Variants in CIDEA observed in about 807,000 individuals in gnomAD.
CIDEA encodes the protein lipid transferase CIDEA.
A neutral mutation model predicts 18.2 loss-of-function variants in CIDEA; 10 were observed. The observed-to-expected ratio is 0.55, with a 90% CI of 0.34 to 0.93. The LOEUF (loss-of-function observed/expected upper bound fraction) is 0.93, where lower values mean the gene tolerates loss of function less well. CIDEA is among the 40% of genes least tolerant of loss of function. The pLI is 0.02. For synonymous variants in CIDEA, 128 were observed against 124.8 expected (o/e 1.03, Z -0.17); for missense variants, 309 against 293.1 (o/e 1.05, Z -0.40).
intron 3 of CIDEA, among the ~76,000 whole-genome samples, chr18:12,268,781 G>A (rs1217224022): frequency 1.3e-5 from 2 of 151,674 alleles, no homozygotes; most frequent in Non-Finnish European, 2.9e-5. Flanking sequence ...TTTAAAAATA[G>A]GTATTAATTC....
chr18:12,262,856 C>T lies in CIDEA; in HGVS notation c.70C>T (p.Arg24Ter), dbSNP rs745735627. 5 of 1,614,022 alleles carry T rather than the reference C, an allele frequency of 3.1e-6. No individual in the cohort carries two copies. The highest frequency in any genetic ancestry group is 1.7e-5 in the Admixed American group (1 of 60,004). The stretch of plus-strand genomic sequence containing the variant: ...GACATTTATGGGATCACAGACTAAG[C>T]GAGTCCTGTTCACCCCGCTCATGCA... ...PLTFMGSQTK[R>*]VLFTPLMHPA... The change falls in exon 2 of 5, where the codon CGA (arginine) becomes TGA (stop). Residue 24 changes from arginine to a stop codon, truncating the protein, a stop_gained. Coordinates refer to ENST00000320477, the MANE Select transcript of CIDEA (RefSeq NM_001279.4). LOFTEE classifies it high-confidence loss of function.
At chr18:12,268,864 C>T (rs1231089183) in intron 3 of CIDEA, among the ~76,000 whole-genome samples, 6 of 150,740 alleles carry the variant, frequency 4.0e-5, no homozygotes, top group South Asian at 2.1e-4. Context: ...CTCGCTCTGT[C>T]GCCCAGGCTG....
At position 12,262,837 on chromosome 18, in the gene CIDEA, T is replaced by C. The variant is rs1297447313; in HGVS notation, c.51T>C (p.Phe17=). The part of the protein sequence containing the change: ...YAGALIRPLT[F]MGSQTKRVLF... ...CCTCCATTTTCAGGCCCCTGACATT[T>C]ATGGGATCACAGACTAAGCGAGTCC... The change falls in exon 2 of 5, where the codon TTT becomes TTC. Residue 17 remains phenylalanine (F), a synonymous_variant. Coordinates refer to ENST00000320477, the MANE Select transcript of CIDEA (RefSeq NM_001279.4). 1.9e-6 allele frequency: 3 copies of C among 1,613,306 alleles called. No individual in the cohort carries two copies. The highest frequency in any genetic ancestry group is 2.7e-5 in the African/African-American group (2 of 74,934).
In CIDEA at chr18:12,273,967, G is replaced by A. The variant is rs73947530; in HGVS notation, c.331-126G>A. On this transcript the variant is annotated intron_variant, in intron 3 of 4. Coordinates refer to ENST00000320477, the MANE Select transcript of CIDEA (RefSeq NM_001279.4). ...GCTGAAAGCATCTCTCTATCGATTA[G>A]CCACGGAGCCGCTCACAGACCTTAA... The A allele has an allele frequency of 1.2e-3, 1,200 of 970,710 alleles. 9 individuals carry two copies. The African/African-American group carries it at 0.018, about 14-fold the overall frequency. 60.1% of individuals were successfully genotyped at this position (970,710 alleles called of 1,614,324 possible).
chr18:12,269,515 C>T (rs1912453039), intron 3 of CIDEA, among the ~76,000 whole-genome samples: 1 of 152,200 alleles, frequency 6.6e-6, no homozygotes, highest in African/African-American at 2.4e-5. Context: ...GTGAATCCAT[C>T]AGTCCGTCTT....
intron 1 of CIDEA, among the ~76,000 whole-genome samples, chr18:12,257,576 T>C (rs975052324): frequency 6.6e-6 from 1 of 152,212 alleles, no homozygotes; most frequent in South Asian, 2.1e-4. Flanking sequence ...CGGGGCAGAA[T>C]ACAAAACCTT....
At chr18:12,269,391 T>A (rs930597857) in intron 3 of CIDEA, among the ~76,000 whole-genome samples, 2 of 152,216 alleles carry the variant, frequency 1.3e-5, no homozygotes, top group African/African-American at 4.8e-5. Flanking sequence ...TTTTATATTA[T>A]GCCAGAACTC....
intron 3 of CIDEA, among the ~76,000 whole-genome samples, chr18:12,269,775 G>A (rs1385178699): frequency 1.3e-5 from 2 of 152,042 alleles, no homozygotes; most frequent in African/African-American, 2.4e-5. Flanking sequence ...TTGGTTCACT[G>A]CAGCCTTCAC....
chr18:12,262,655 T>C (rs1341516023), intron 1 of CIDEA, among the ~76,000 whole-genome samples, 170 bp from the exon 2 acceptor site: 2 of 152,248 alleles, frequency 1.3e-5, no homozygotes, highest in African/African-American at 4.8e-5. Flanking sequence ...GTGTTACTTG[T>C]TTCTTCTTTG....
Position 12,264,349 on chromosome 18 carries a change from G to T in CIDEA, c.226G>T (p.Val76Leu). 1 of 1,614,098 alleles carries T rather than the reference G, an allele frequency of 6.2e-7. No individual in the cohort carries two copies. The highest frequency in any genetic ancestry group is 1.1e-5 in the South Asian group (1 of 91,066). ...CATCGCTACCGGACTGGTCACTCTGGTGCTGGAGGAAGATGGCACCGTGGT... is the reference window on the plus strand; with the variant it reads ...CATCGCTACCGGACTGGTCACTCTGTTGCTGGAGGAAGATGGCACCGTGGT... ...LVIATGLVTL[V>L]LEEDGTVVDT... Residue 76 changes from valine to leucine, a missense_variant, in exon 3 of 5, where the codon GTG (valine) becomes TTG (leucine). By Grantham distance (32) the Val-to-Leu change is conservative. Transcript: ENST00000320477.
At chr18:12,254,699 G>A (rs926064644) in intron 1 of CIDEA, 2 of 1,499,336 alleles carry the variant, frequency 1.3e-6, no homozygotes, top group Non-Finnish European at 1.8e-6. Context: ...TGCGAGGTGC[G>A]CGGGCGTCTG....
Position 12,261,061 on chromosome 18 carries a change from A to G in CIDEA, c.39-1764A>G, listed in dbSNP as rs8098393. Among the ~76,000 whole-genome samples the G allele has an allele frequency of 4.7e-3, 715 of 152,226 alleles. 7 individuals are homozygous for G. Among genetic ancestry groups the G allele is most frequent in the African/African-American group, 0.016 (681 of 41,514 alleles). ...CTGATTTCTGATTGTGTTATTTGCAATCATTTTGTTATGAATCTATTTCTG... is the reference window on the plus strand; with the variant it reads ...CTGATTTCTGATTGTGTTATTTGCAGTCATTTTGTTATGAATCTATTTCTG... On this transcript the variant is annotated intron_variant, in intron 1 of 4. Coordinates refer to ENST00000320477, the MANE Select transcript of CIDEA (RefSeq NM_001279.4).
intron 1 of CIDEA, among the ~76,000 whole-genome samples, chr18:12,256,317 A>C (rs1010350130): frequency 2.0e-5 from 3 of 152,206 alleles, no homozygotes; most frequent in African/African-American, 7.2e-5. Flanking sequence ...GGATGTCATA[A>C]TTCTGTCTTT....
At position 12,277,415 on chromosome 18, in the gene CIDEA, A is replaced by C; in HGVS notation, c.*145A>C. On this transcript the variant is annotated 3_prime_UTR_variant, in exon 5 of 5. Transcript: ENST00000320477. ...CTCAGGAGTGGTGCCCAGAAAAGGA[A>C]AGGGCTTGGTGGTACATGAAGTGGG... The C allele has an allele frequency of 1.2e-6, 1 of 828,944 alleles. No individual in the cohort carries two copies. The highest frequency in any genetic ancestry group is 1.8e-6 in the Non-Finnish European group (1 of 560,698). 51.3% of individuals were successfully genotyped at this position (828,944 alleles called of 1,614,324 possible). A position where few individuals can be genotyped will look rare whatever the true frequency, so the allele number is the denominator to read the frequency against.
chr18:12,274,301 G>A, intron 4 of CIDEA, 27 bp downstream of exon 4: 2 of 1,610,470 alleles, frequency 1.2e-6, no homozygotes, highest in Non-Finnish European at 1.7e-6. Flanking sequence ...GTCACCTCCG[G>A]GGGTCTGCAG....
intron 1 of CIDEA, among the ~76,000 whole-genome samples, chr18:12,258,484 A>G (rs1176834110): frequency 6.6e-6 from 1 of 152,232 alleles, no homozygotes; most frequent in Non-Finnish European, 1.5e-5. Flanking sequence ...GCGTGCTGAC[A>G]GGCGCTGTGG....
At chr18:12,257,816 T>C (rs1054832109) in intron 1 of CIDEA, among the ~76,000 whole-genome samples, 12 of 152,200 alleles carry the variant, frequency 7.9e-5, no homozygotes, top group Non-Finnish European at 1.3e-4. Flanking sequence ...CGCAGGATCC[T>C]AGGGCCGCTC....
chr18:12,270,894 C>CTTTTTTTTTTTTTTTTTTTTTT (rs771335202), intron 3 of CIDEA, among the ~76,000 whole-genome samples: 23 of 60,018 alleles, frequency 3.8e-4, no homozygotes, highest in East Asian at 1.3e-3. Flanking sequence ...TTTTTCTTTT[C>CTTTTTTTTTTTTTTTTTTTTTT]TTTTTTTTTT....
At chr18:12,256,269 G>C (rs9954496) in intron 1 of CIDEA, among the ~76,000 whole-genome samples, 1 of 152,248 alleles carries the variant, frequency 6.6e-6, no homozygotes, top group South Asian at 2.1e-4. Context: ...GCTGGACTTC[G>C]GCTTCCTCTC....
Sources: allele counts gnomAD v4.1 joint callset (sites outside exome capture counted in the v4.1 genomes callset), GRCh38; gene constraint gnomAD v4.1.1; transcripts MANE v1.5; gene names NCBI Gene and HGNC (gene_info 2026-07-23, HGNC 2026-07-21).